Variants in NCOA2 observed in about 807,000 individuals in gnomAD.
The protein encoded by NCOA2 is nuclear receptor coactivator 2, also known as class E basic helix-loop-helix protein 75.
A neutral mutation model predicts 145.1 loss-of-function variants in NCOA2; 21 were observed. The observed-to-expected ratio is 0.14, with a 90% CI of 0.10 to 0.21. The LOEUF (loss-of-function observed/expected upper bound fraction) is 0.21. Ranked by LOEUF, NCOA2 falls within the 10% of genes least tolerant of loss-of-function variation. The pLI is 1.00. For synonymous variants in NCOA2, 619 were observed against 637.5 expected (o/e 0.97, Z 0.44); for missense variants, 1,472 against 1,837.6 (o/e 0.80, Z 3.64).
At chr8:70,214,242 T>A (rs528209757) in intron 3 of NCOA2, among the ~76,000 whole-genome samples, 167 bp from the exon 4 acceptor site, 1 of 152,200 alleles carries the variant, frequency 6.6e-6, no homozygotes, top group Non-Finnish European at 1.5e-5. Context: ...GTTCCATGTT[T>A]TTTTAAAAAA....
At chr8:70,381,370 A>G (rs938842359) in intron 1 of NCOA2, among the ~76,000 whole-genome samples, 4 of 152,322 alleles carry the variant, frequency 2.6e-5, no homozygotes, top group Non-Finnish European at 5.9e-5. Context: ...TCCTAATCTT[A>G]ACTCGATTAT....
chr8:70,114,620 G>A (rs1002001626), intron 22 of NCOA2, among the ~76,000 whole-genome samples: 1 of 152,200 alleles, frequency 6.6e-6, no homozygotes, highest in African/African-American at 2.4e-5. Flanking sequence ...CAACACTGGA[G>A]ATTATAATTG....
intron 22 of NCOA2, among the ~76,000 whole-genome samples, chr8:70,117,115 C>T (rs115895699): frequency 9.5e-4 from 145 of 152,366 alleles, no homozygotes; most frequent in African/African-American, 3.4e-3. Flanking sequence ...TTTAAAGGGC[C>T]CCCATGGGCC....
At chr8:70,358,753 T>A (rs1224019364) in intron 1 of NCOA2, among the ~76,000 whole-genome samples, 3 of 152,166 alleles carry the variant, frequency 2.0e-5, no homozygotes, top group Non-Finnish European at 4.4e-5. Flanking sequence ...TATCAAAATT[T>A]AAAGTGTGTG....
At chr8:70,236,069 T>C (rs1821577762) in intron 2 of NCOA2, among the ~76,000 whole-genome samples, 1 of 152,076 alleles carries the variant, frequency 6.6e-6, no homozygotes, top group Non-Finnish European at 1.5e-5. Context: ...GCCCCCAAAA[T>C]GCCCCATGTG....
At position 70,269,514 on chromosome 8, in the gene NCOA2, T is replaced by C. The variant is rs1396977302; in HGVS notation, c.-20+27230A>G. On this transcript the variant is annotated intron_variant, in intron 2 of 22. Transcript: ENST00000452400. ...AAAGAATGTCAGTCGGGATCCACAG[T>C]CATGGGAGTGCAAACTTTTTTCTAC... is the stretch of plus-strand genomic sequence containing the variant. Among the ~76,000 whole-genome samples, 8 of 152,026 alleles carry C rather than the reference T, an allele frequency of 5.3e-5. No individual in the cohort carries two copies. In the East Asian group the frequency reaches 1.2e-3, roughly 22 times the overall value.
In NCOA2 at chr8:70,403,751, T is replaced by C. The variant is rs2131885513; in HGVS notation, c.-128A>G. On this transcript the variant is annotated 5_prime_UTR_variant, in exon 1 of 23. Transcript: ENST00000452400. ...TGCCGGCTGCCGTCGGCGCTGACCT[T>C]CGCCGCCGAAGCTGTAGCCGAGGCT... The C allele has an allele frequency of 2.5e-6, 1 of 397,580 alleles. No individual in the cohort carries two copies. 24.6% of individuals were successfully genotyped at this position (397,580 alleles called of 1,614,324 possible). A position where few individuals can be genotyped will look rare whatever the true frequency, so the allele number is the denominator to read the frequency against.
intron 2 of NCOA2, among the ~76,000 whole-genome samples, chr8:70,242,977 G>A (rs1822274251): frequency 6.6e-6 from 1 of 151,988 alleles, no homozygotes; most frequent in Non-Finnish European, 1.5e-5. Context: ...CTAGACATCT[G>A]GCTTGTTTAC....
upstream of NCOA2, among the ~76,000 whole-genome samples, chr8:70,407,020 G>A (rs1258891448): frequency 2.6e-5 from 4 of 152,172 alleles, no homozygotes; most frequent in Non-Finnish European, 5.9e-5. Flanking sequence ...GTAAATAAAT[G>A]TACTTTGTTA....
intron 4 of NCOA2, among the ~76,000 whole-genome samples, chr8:70,176,312 T>C (rs1197470657): frequency 6.6e-6 from 1 of 152,236 alleles, no homozygotes; most frequent in Non-Finnish European, 1.5e-5. Flanking sequence ...CCTCTTTAGA[T>C]CGAAAAAATT....
chr8:70,326,973 C>T (rs1280978838), intron 1 of NCOA2, among the ~76,000 whole-genome samples: 3 of 152,188 alleles, frequency 2.0e-5, no homozygotes, highest in African/African-American at 7.2e-5. Context: ...TAAGGACAAT[C>T]TTAACTTCAC....
At chr8:70,325,209 T>C (rs1007923390) in intron 1 of NCOA2, among the ~76,000 whole-genome samples, 2 of 152,208 alleles carry the variant, frequency 1.3e-5, no homozygotes, top group Non-Finnish European at 2.9e-5. Context: ...CAAATCTTCG[T>C]CTGGTTATAT....
intron 1 of NCOA2, among the ~76,000 whole-genome samples, chr8:70,361,686 C>T (rs1810215065): frequency 6.6e-6 from 1 of 152,150 alleles, no homozygotes; most frequent in Admixed American, 6.5e-5. Flanking sequence ...GAACGTAGAA[C>T]CAACCTGTTC....
intron 1 of NCOA2, among the ~76,000 whole-genome samples, chr8:70,402,823 C>G (rs867259652): frequency 2.7e-5 from 4 of 150,756 alleles, no homozygotes; most frequent in African/African-American, 9.7e-5. Context: ...ACGCCCGCAC[C>G]CAGAAAGTTC....
intron 4 of NCOA2, among the ~76,000 whole-genome samples, chr8:70,186,689 T>C (rs1816111009): frequency 6.6e-6 from 1 of 152,218 alleles, no homozygotes; most frequent in African/African-American, 2.4e-5. Context: ...CTGATATGTA[T>C]TTACAGACAA....
chr8:70,218,875 G>A (rs1029102731), intron 2 of NCOA2, among the ~76,000 whole-genome samples: 3 of 152,030 alleles, frequency 2.0e-5, no homozygotes, highest in Admixed American at 6.6e-5. Context: ...TAGGTGACAA[G>A]TTTTTTTGTT....
At chr8:70,372,097 T>A (rs1466695459) in intron 1 of NCOA2, among the ~76,000 whole-genome samples, 1 of 152,130 alleles carries the variant, frequency 6.6e-6, no homozygotes, top group Non-Finnish European at 1.5e-5. Flanking sequence ...GTGAGCTGGA[T>A]ACCGAGTTAA....
At chr8:70,334,915 G>T (rs2136348172) in intron 1 of NCOA2, among the ~76,000 whole-genome samples, 1 of 152,040 alleles carries the variant, frequency 6.6e-6, no homozygotes, top group Non-Finnish European at 1.5e-5. Flanking sequence ...CCTGAGGTCA[G>T]GAGTTTGAGA....
At chr8:70,185,356 C>T (rs1815941852) in intron 4 of NCOA2, among the ~76,000 whole-genome samples, 1 of 152,180 alleles carries the variant, frequency 6.6e-6, no homozygotes, top group African/African-American at 2.4e-5. Flanking sequence ...AATTTAGAGC[C>T]TAAAACATTA....
Sources: allele counts gnomAD v4.1 joint callset (sites outside exome capture counted in the v4.1 genomes callset), GRCh38; gene constraint gnomAD v4.1.1; transcripts MANE v1.5; gene names NCBI Gene and HGNC (gene_info 2026-07-23, HGNC 2026-07-21).